Variants in FOXJ3 observed in about 807,000 individuals in gnomAD.
FOXJ3 encodes forkhead box J3.
In FOXJ3, 22 loss-of-function variants were observed where a neutral mutation model predicts 76.1. The ratio of observed to expected loss-of-function variants is 0.29; its 90% CI spans 0.21 to 0.41. FOXJ3 has a LOEUF of 0.41. FOXJ3 is among the 10% of genes least tolerant of loss of function. FOXJ3 has a pLI of 1.00. For missense variants in FOXJ3, 613 were observed against 762.1 expected (o/e 0.80, Z 2.30); for synonymous variants, 269 against 261.2 (o/e 1.03, Z -0.29).
At chr1:42,304,123 C>T (rs528801769) in intron 2 of FOXJ3, among the ~76,000 whole-genome samples, 124 of 151,234 alleles carry the variant, frequency 8.2e-4, no homozygotes, top group South Asian at 6.3e-3. Flanking sequence ...GTGAACAATC[C>T]GAAAAAGAAA....
chr1:42,196,276 A>G (rs1171672241), intron 7 of FOXJ3, among the ~76,000 whole-genome samples: 5 of 152,110 alleles, frequency 3.3e-5, no homozygotes, highest in African/African-American at 1.2e-4. Flanking sequence ...AATTATCTCA[A>G]TCCATGTGGG....
At position 42,211,991 on chromosome 1, in the gene FOXJ3, C is replaced by T. The variant is rs145537902; in HGVS notation, c.529-6128G>A. 7.2e-3 allele frequency among the ~76,000 whole-genome samples: 1,094 copies of T among 152,336 alleles called. 22 individuals carry two copies. Among genetic ancestry groups the T allele is most frequent in the African/African-American group, 0.025 (1,053 of 41,554 alleles). ...AGAAGTGTCTGGGCACAGTGGCTCA[C>T]GCCTGTAATCCCAGCACTTTGGGAG... On this transcript the variant is annotated intron_variant, in intron 5 of 12. Coordinates refer to ENST00000361346, the MANE Select transcript of FOXJ3 (RefSeq NM_014947.5).
intron 10 of FOXJ3, 83 bp downstream of exon 10, chr1:42,189,220 T>G (rs151262010): frequency 1.1e-6 from 1 of 934,894 alleles, no homozygotes; most frequent in African/African-American, 1.6e-5. Flanking sequence ...TGATGTTTAT[T>G]TCTACTACAA....
chr1:42,185,167 T>C (rs1247444831), intron 11 of FOXJ3, among the ~76,000 whole-genome samples: 1 of 151,954 alleles, frequency 6.6e-6, no homozygotes, highest in Non-Finnish European at 1.5e-5. Flanking sequence ...AAATTTTCCA[T>C]CTTTCCAAGA....
intron 1 of FOXJ3, among the ~76,000 whole-genome samples, chr1:42,331,126 G>C (rs1049498787): frequency 2.0e-5 from 3 of 152,076 alleles, no homozygotes; most frequent in African/African-American, 7.2e-5. Context: ...TACACCTGTA[G>C]TCTCAGCACT....
At chr1:42,231,659 T>C (rs991567256) in intron 4 of FOXJ3, among the ~76,000 whole-genome samples, 1 of 152,158 alleles carries the variant, frequency 6.6e-6, no homozygotes, top group African/African-American at 2.4e-5. Context: ...CACCAAAAAG[T>C]ACCTCTCAGC....
At chr1:42,181,519 A>G (rs1350487030) in intron 12 of FOXJ3, among the ~76,000 whole-genome samples, 1 of 152,200 alleles carries the variant, frequency 6.6e-6, no homozygotes, top group Non-Finnish European at 1.5e-5. Flanking sequence ...TGACCCCAGG[A>G]CTTCTTAGAG....
At chr1:42,192,694 T>C (rs1646573556) in intron 8 of FOXJ3, among the ~76,000 whole-genome samples, 1 of 152,120 alleles carries the variant, frequency 6.6e-6, no homozygotes. Context: ...AACTAGACTA[T>C]TTTCAAATCC....
At chr1:42,333,306 G>A (rs558121117) in intron 1 of FOXJ3, among the ~76,000 whole-genome samples, 1 of 151,944 alleles carries the variant, frequency 6.6e-6, no homozygotes, top group South Asian at 2.1e-4. Flanking sequence ...TGAGAATGCA[G>A]GCCACTTTGG....
rs343376 is a variant in FOXJ3, at chr1:42,227,926, A to G, written c.485T>C (p.Val162Ala). 1,245,282 of 1,572,792 alleles carry G rather than the reference A, an allele frequency of 0.79. 494,393 individuals carry two copies. Among genetic ancestry groups the G allele is most frequent in the Admixed American group, 0.89 (52,837 of 59,338 alleles). The stretch of plus-strand genomic sequence containing the variant: ...CCTCTTCTTTGGCCGAGTAGGCAGC[A>G]CATCTTCCTTCGGATTGGTGTCTAT... ...WAIDTNPKED[V>A]LPTRPKKRAR... The change falls in exon 5 of 13, where the codon GTG (valine) becomes GCG (alanine). Residue 162 changes from valine to alanine, a missense_variant. Around this residue, in one of 3 missense-constraint regions of FOXJ3, gnomAD observed 526 missense variants for 601.4 expected, o/e 0.87. Coordinates refer to ENST00000361346, the MANE Select transcript of FOXJ3 (RefSeq NM_014947.5).
intron 6 of FOXJ3, among the ~76,000 whole-genome samples, chr1:42,204,280 T>C (rs895602282): frequency 2.6e-5 from 4 of 152,104 alleles, no homozygotes; most frequent in Non-Finnish European, 1.5e-5. Context: ...TTCTTTTTTT[T>C]CAATCAAGGA....
At chr1:42,209,739 C>T (rs1557639425) in intron 5 of FOXJ3, among the ~76,000 whole-genome samples, 1 of 152,330 alleles carries the variant, frequency 6.6e-6, no homozygotes, top group East Asian at 1.9e-4. Context: ...CTCCAGCAGG[C>T]CCGGAGGGAA....
intron 4 of FOXJ3, among the ~76,000 whole-genome samples, chr1:42,259,047 T>G (rs1030601300): frequency 3.3e-5 from 5 of 152,136 alleles, no homozygotes; most frequent in African/African-American, 1.2e-4. Context: ...TAAATCCGTG[T>G]GATGGAATAT....
intron 5 of FOXJ3, among the ~76,000 whole-genome samples, chr1:42,210,385 C>G (rs1240315758): frequency 6.6e-6 from 1 of 152,134 alleles, no homozygotes; most frequent in East Asian, 1.9e-4. Flanking sequence ...GCCTGAGACA[C>G]CAGAGTACCT....
chr1:42,332,065 T>C (rs1656196977), intron 1 of FOXJ3, among the ~76,000 whole-genome samples: 1 of 152,242 alleles, frequency 6.6e-6, no homozygotes, highest in Non-Finnish European at 1.5e-5. Flanking sequence ...GTCTTTTCAT[T>C]GTAGTCACTG....
At chr1:42,246,116 T>TTG (rs1249495120) in intron 4 of FOXJ3, among the ~76,000 whole-genome samples, 1 of 152,154 alleles carries the variant, frequency 6.6e-6, no homozygotes, top group Non-Finnish European at 1.5e-5. Flanking sequence ...ATTTTACGAC[T>TTG]AAGACCTCAA....
At chr1:42,237,374 C>CAA (rs201572471) in intron 4 of FOXJ3, among the ~76,000 whole-genome samples, 2,067 of 142,148 alleles carry the variant, frequency 0.015, 61 homozygotes, top group African/African-American at 0.052. Context: ...GACTCCATCT[C>CAA]AAAAAATATA....
intron 1 of FOXJ3, among the ~76,000 whole-genome samples, chr1:42,316,334 T>TTTTTTTTTTTTTC (rs1655107839): frequency 1.6e-5 from 1 of 60,838 alleles, no homozygotes; most frequent in Non-Finnish European, 3.3e-5. Flanking sequence ...GCATTGGGCC[T>TTTTTTTTTTTTTC]TTTTTTTTTT....
chr1:42,228,022 A>G, intron 4 of FOXJ3, 56 bp from the exon 5 acceptor site: 1 of 869,658 alleles, frequency 1.1e-6, no homozygotes, highest in South Asian at 2.4e-5. Flanking sequence ...TGATATTAAA[A>G]TGGATTTTTA....
Sources: gnomAD v4.1 joint callset for allele counts (sites outside exome capture counted in the v4.1 genomes callset) on GRCh38, gnomAD v4.1.1 for gene constraint, gnomAD v4.1.1 regional missense constraint, MANE v1.5 for transcripts, NCBI Gene and HGNC (gene_info 2026-07-23, HGNC 2026-07-21) for gene names.